The following COL23A1 variants were observed in gnomAD, a reference collection of about 807,000 sequenced individuals.
COL23A1 encodes collagen alpha-1(XXIII) chain.
COL23A1 carries 97 observed loss-of-function variants against 99.3 expected under a neutral mutation model. That is an observed-to-expected ratio of 0.98 (90% confidence interval 0.83 to 1.16). COL23A1 has a LOEUF of 1.16. Among genes scored for constraint, COL23A1 ranks in the 50% most tolerant of loss-of-function variants. The probability of loss-of-function intolerance (pLI) is 0.00; values close to 1 mark genes in which losing one functional copy is unlikely to be tolerated. For synonymous variants in COL23A1, 320 were observed against 308.2 expected, an observed-to-expected ratio of 1.04 and a Z score of -0.40; for missense variants, 762 against 757.4, an observed-to-expected ratio of 1.01 and a Z score of -0.07.
chr5:178,332,369 G>C (rs1017930642), intron 2 of COL23A1, among the ~76,000 whole-genome samples: 2 of 152,210 alleles, frequency 1.3e-5, no homozygotes, highest in African/African-American at 4.8e-5. Context: ...GGTGGGGACA[G>C]AGCATGATCC....
intron 2 of COL23A1, among the ~76,000 whole-genome samples, chr5:178,457,766 G>C (rs542804987): frequency 3.3e-5 from 5 of 152,208 alleles, no homozygotes; most frequent in Non-Finnish European, 7.3e-5. Context: ...AAGCAAGTGA[G>C]TTAGGTGCTG....
chr5:178,576,841 G>A (rs1763388835), intron 1 of COL23A1, among the ~76,000 whole-genome samples: 1 of 151,862 alleles, frequency 6.6e-6, no homozygotes, highest in African/African-American at 2.4e-5. Context: ...CTCGGGCAGC[G>A]CCGCCCCTCC....
chr5:178,381,988 T>C (rs1167415298), intron 2 of COL23A1, among the ~76,000 whole-genome samples: 2 of 152,192 alleles, frequency 1.3e-5, no homozygotes, highest in Non-Finnish European at 2.9e-5. Context: ...GTGGGAATCC[T>C]AGGCATTCTG....
At chr5:178,499,122 G>A (rs1758389135) in intron 2 of COL23A1, among the ~76,000 whole-genome samples, 1 of 151,816 alleles carries the variant, frequency 6.6e-6, no homozygotes, top group Non-Finnish European at 1.5e-5. Context: ...AAAGCAAAAA[G>A]CTTTAAAAAC....
intron 2 of COL23A1, among the ~76,000 whole-genome samples, chr5:178,411,272 T>C (rs1167137502): frequency 6.6e-6 from 1 of 152,148 alleles, no homozygotes; most frequent in Admixed American, 6.5e-5. Context: ...ATAATTACCA[T>C]ATGACCCAGC....
At chr5:178,343,724 G>A (rs1409571374) in intron 2 of COL23A1, among the ~76,000 whole-genome samples, 2 of 151,202 alleles carry the variant, frequency 1.3e-5, no homozygotes, top group African/African-American at 2.4e-5. Context: ...GCGCAGTGGC[G>A]TGATCTTGGC....
At chr5:178,528,559 A>T (rs1382564038) in intron 2 of COL23A1, among the ~76,000 whole-genome samples, 2 of 152,230 alleles carry the variant, frequency 1.3e-5, no homozygotes, top group Admixed American at 6.5e-5. Flanking sequence ...CACGCCTGTA[A>T]TCCCAGCACT....
At chr5:178,377,620 C>T (rs919715020) in intron 2 of COL23A1, among the ~76,000 whole-genome samples, 7 of 152,188 alleles carry the variant, frequency 4.6e-5, no homozygotes, top group African/African-American at 7.2e-5. Flanking sequence ...ATCTCCAAGG[C>T]GGTGCCATCC....
At chr5:178,311,432 G>C (rs901890127) in intron 2 of COL23A1, among the ~76,000 whole-genome samples, 2 of 152,052 alleles carry the variant, frequency 1.3e-5, no homozygotes, top group African/African-American at 4.8e-5. Context: ...CTGGCTGCAG[G>C]GGCCTCTGGG....
At chr5:178,266,797 A>G (rs1755929198) in intron 8 of COL23A1, among the ~76,000 whole-genome samples, 1 of 152,236 alleles carries the variant, frequency 6.6e-6, no homozygotes, top group African/African-American at 2.4e-5. Context: ...CACAAGCTGC[A>G]GCCCCGCTCT....
chr5:178,339,303 G>A (rs1760522704), intron 2 of COL23A1, among the ~76,000 whole-genome samples: 1 of 152,280 alleles, frequency 6.6e-6, no homozygotes, highest in African/African-American at 2.4e-5. Context: ...ATCTCTACAG[G>A]GTGTGTGTTC....
intron 2 of COL23A1, among the ~76,000 whole-genome samples, chr5:178,347,879 C>CA (rs748111944): frequency 0.084 from 3,707 of 44,198 alleles, 113 homozygotes; most frequent in Non-Finnish European, 0.12. Context: ...GACTCTGTCT[C>CA]AAAAAAAAAA....
chr5:178,276,646 T>TAA (rs1423221975), intron 5 of COL23A1, among the ~76,000 whole-genome samples: 2 of 152,226 alleles, frequency 1.3e-5, no homozygotes. Context: ...CATACGGTTC[T>TAA]GATTTCTCAG....
At chr5:178,325,024 C>T (rs1255513284) in intron 2 of COL23A1, among the ~76,000 whole-genome samples, 1 of 151,896 alleles carries the variant, frequency 6.6e-6, no homozygotes. Flanking sequence ...CAGCCACTAT[C>T]ACTATTCCCA....
chr5:178,270,513 G>C, intron 5 of COL23A1, 150 bp from the exon 6 acceptor site: 1 of 870,222 alleles, frequency 1.1e-6, no homozygotes. Flanking sequence ...GGGGCTGAGG[G>C]AGGGGAAGGC....
chr5:178,506,628 A>T (rs578211456), intron 2 of COL23A1, among the ~76,000 whole-genome samples: 1 of 152,340 alleles, frequency 6.6e-6, no homozygotes, highest in South Asian at 2.1e-4. Flanking sequence ...GAATAAAGCA[A>T]GGATTTAACA....
At chr5:178,359,271 C>G (rs1762048176) in intron 2 of COL23A1, among the ~76,000 whole-genome samples, 1 of 152,218 alleles carries the variant, frequency 6.6e-6, no homozygotes, top group Non-Finnish European at 1.5e-5. Context: ...CGCCTGTAAT[C>G]CCAGCACTTT....
At chr5:178,267,020 G>A (rs1755939680) in intron 8 of COL23A1, among the ~76,000 whole-genome samples, 1 of 152,222 alleles carries the variant, frequency 6.6e-6, no homozygotes, top group African/African-American at 2.4e-5. Context: ...TCCTCAGGAC[G>A]CTGTCTCCAG....
chr5:178,391,217 G>A (rs977066473), intron 2 of COL23A1, among the ~76,000 whole-genome samples: 13 of 152,188 alleles, frequency 8.5e-5, no homozygotes, highest in Admixed American at 5.2e-4. Context: ...CTTGTCTGTG[G>A]AAAAATTGTT....
Sources: gnomAD v4.1 joint callset for allele counts (sites outside exome capture counted in the v4.1 genomes callset) on GRCh38, gnomAD v4.1.1 for gene constraint, MANE v1.5 for transcripts, NCBI Gene and HGNC (gene_info 2026-07-23, HGNC 2026-07-21) for gene names.